CD99: variants seen among roughly 807,000 people sequenced by gnomAD.
CD99 encodes CD99 molecule (Xg blood group).
CD99 carries 19 observed loss-of-function variants against 28.4 expected under a neutral mutation model. That is an observed-to-expected ratio of 0.67 (90% CI 0.47 to 0.98). The LOEUF is 0.98. CD99 is among the 50% of genes least tolerant of loss of function. The pLI, the probability that CD99 is intolerant of heterozygous loss-of-function variation, is 0.00. For synonymous variants in CD99, 103 were observed against 92.1 expected (o/e 1.12, Z -0.67); for missense variants, 283 against 248.8 (o/e 1.14, Z -0.92).
intron 1 of CD99, among the ~76,000 whole-genome samples, chrX:2,712,626 C>CCT (rs1387862649): frequency 6.6e-6 from 1 of 152,080 alleles, no homozygotes; most frequent in East Asian, 1.9e-4. Flanking sequence ...TGGCAAGTGT[C>CCT]CTGTTGTGGA....
chrX:2,728,787 A>C (rs1324946950), intron 8 of CD99, among the ~76,000 whole-genome samples: 1 of 150,692 alleles, frequency 6.6e-6, no homozygotes, highest in Non-Finnish European at 1.5e-5. Flanking sequence ...CTTGTTTGCC[A>C]GGACAGGATG....
rs368769895 is a variant in CD99 at position 2,708,882 on chromosome X, G to A, written c.68-5540G>A. Among the ~76,000 whole-genome samples the A allele has an allele frequency of 1.4e-3, 217 of 152,276 alleles. 1 individual carries two copies. The highest frequency in any genetic ancestry group is 5.1e-3 in the African/African-American group (210 of 41,558). The stretch of plus-strand genomic sequence containing the variant: ...TTGCCTGGGGGTGACACTGGTGGCG[G>A]GAGGGCCTGTGCCCTCCCCTGTAAC... On this transcript the variant is annotated intron_variant, in intron 1 of 9. Transcript: ENST00000381192.
intron 9 of CD99, among the ~76,000 whole-genome samples, chrX:2,739,231 T>C (rs771901223): frequency 6.6e-6 from 1 of 152,280 alleles, no homozygotes; most frequent in Admixed American, 6.5e-5. Flanking sequence ...GAGACTTTAA[T>C]TCGTGAGAAA....
intron 1 of CD99, chrX:2,692,178 G>C: frequency 2.0e-6 from 1 of 499,968 alleles, no homozygotes. Context: ...ATGTTTTTCT[G>C]TTTCCCTCCC....
Position 2,711,278 on chromosome X carries a change from G to A in CD99, c.68-3144G>A, listed in dbSNP as rs752956110. ...ATATATTTGTATAAATATATAATTC[G>A]TATATATAGTATGTATATATAGTAT... On this transcript the variant is annotated intron_variant, in intron 1 of 9. Coordinates refer to ENST00000381192, the MANE Select transcript of CD99 (RefSeq NM_002414.5). Among the ~76,000 whole-genome samples the A allele has an allele frequency of 1.9e-3, 277 of 146,818 alleles. 3 individuals carry two copies. Among genetic ancestry groups the A allele is most frequent in the South Asian group, 0.019 (87 of 4,694 alleles).
chrX:2,715,277 C>T (rs1024157798), intron 2 of CD99: 1 of 152,282 alleles, frequency 6.6e-6, no homozygotes, highest in African/African-American at 2.4e-5. Context: ...AAGGTGCCAC[C>T]AACTGGGGGC....
chrX:2,691,583 G>A (rs1375043660), intron 1 of CD99, 156 bp downstream of exon 1: 1 of 807,008 alleles, frequency 1.2e-6, no homozygotes, highest in Non-Finnish European at 2.1e-6. Context: ...GCCCAGGCCC[G>A]GAGGAGGCGC....
At chrX:2,701,081 A>G (rs2047836723) in intron 1 of CD99, among the ~76,000 whole-genome samples, 1 of 151,230 alleles carries the variant, frequency 6.6e-6, no homozygotes, top group South Asian at 2.1e-4. Flanking sequence ...CCATCCACCT[A>G]TCCACCCTTA....
At chrX:2,698,378 A>G (rs1378081067) in intron 1 of CD99, among the ~76,000 whole-genome samples, 1 of 151,992 alleles carries the variant, frequency 6.6e-6, no homozygotes, top group Non-Finnish European at 1.5e-5. Flanking sequence ...TACATTGCCC[A>G]GGCTGGTCTT....
Position 2,712,804 on chromosome X carries a change from CGTG to C in CD99, c.68-1616_68-1614del, listed in dbSNP as rs767199609. ...ACACACACACAGACATACAAGCAGA[CGTG>C]GACACACCTACCTGTATGTACATAC... On this transcript the variant is annotated intron_variant, in intron 1 of 9. Coordinates refer to ENST00000381192, the MANE Select transcript of CD99 (RefSeq NM_002414.5). Among the ~76,000 whole-genome samples the C allele has an allele frequency of 4.0e-3, 605 of 152,150 alleles. 1 individual carries two copies. The highest frequency in any genetic ancestry group is 0.014 in the African/African-American group (580 of 41,472).
chrX:2,708,929 G>A (rs1483166829), intron 1 of CD99, among the ~76,000 whole-genome samples: 1 of 152,166 alleles, frequency 6.6e-6, no homozygotes, highest in African/African-American at 2.4e-5. Context: ...GGGGTCCATG[G>A]GGGCATTGGG....
intron 3 of CD99, chrX:2,718,007 T>C (rs1458049034): frequency 4.3e-6 from 1 of 230,386 alleles, no homozygotes; most frequent in Non-Finnish European, 8.5e-6. Flanking sequence ...AGTGGTGTGA[T>C]CTTGGCTCAC....
intron 1 of CD99, among the ~76,000 whole-genome samples, chrX:2,695,355 A>C (rs1422774624): frequency 6.6e-6 from 1 of 151,798 alleles, no homozygotes; most frequent in Non-Finnish European, 1.5e-5. Flanking sequence ...ACAGGCATGC[A>C]CTGCATATCT....
At chrX:2,692,678 C>T (rs1376229610) in intron 1 of CD99, among the ~76,000 whole-genome samples, 1 of 152,188 alleles carries the variant, frequency 6.6e-6, no homozygotes, top group Non-Finnish European at 1.5e-5. Flanking sequence ...GTCCTTCTTG[C>T]GGGCAACCTG....
intron 5 of CD99, among the ~76,000 whole-genome samples, chrX:2,720,750 G>A (rs374447200): frequency 1.3e-5 from 2 of 149,780 alleles, no homozygotes; most frequent in African/African-American, 4.9e-5. Context: ...TCAGCCTCCT[G>A]AGTAGCTGGA....
At chrX:2,713,594 G>A (rs2048546977) in intron 1 of CD99, among the ~76,000 whole-genome samples, 1 of 152,120 alleles carries the variant, frequency 6.6e-6, no homozygotes, top group Non-Finnish European at 1.5e-5. Flanking sequence ...ATACATGCAG[G>A]AGCATAGCCT....
At chrX:2,709,197 G>A (rs1479086184) in intron 1 of CD99, among the ~76,000 whole-genome samples, 1 of 74,342 alleles carries the variant, frequency 1.3e-5, no homozygotes, top group East Asian at 2.1e-4. Flanking sequence ...ACATACACAG[G>A]CACATACATG....
chrX:2,703,206 C>T (rs185358057), intron 1 of CD99, among the ~76,000 whole-genome samples: 4 of 152,262 alleles, frequency 2.6e-5, no homozygotes, highest in East Asian at 3.9e-4. Flanking sequence ...TTTGGTGTCC[C>T]GTGTTTTGTG....
chrX:2,699,279 C>CT (rs2047729468), intron 1 of CD99, among the ~76,000 whole-genome samples: 1 of 151,346 alleles, frequency 6.6e-6, no homozygotes, highest in African/African-American at 2.4e-5. Context: ...AAGTGCCTCT[C>CT]TTGCCTCAGC....
Sources: gnomAD v4.1 joint callset for allele counts (sites outside exome capture counted in the v4.1 genomes callset) on GRCh38, gnomAD v4.1.1 for gene constraint, MANE v1.5 for transcripts, NCBI Gene and HGNC (gene_info 2026-07-23, HGNC 2026-07-21) for gene names.